The following GRIN2B variants were observed in gnomAD, a reference collection of about 807,000 sequenced individuals.
The protein encoded by GRIN2B is glutamate ionotropic receptor NMDA type subunit 2B.
Under a neutral mutation model 114.5 loss-of-function variants are expected in GRIN2B, and 5 were observed. The observed-to-expected ratio is 0.04, with a 90% CI of 0.02 to 0.09. The LOEUF is 0.09. GRIN2B is among the 10% of genes least tolerant of loss of function. The pLI, the probability that GRIN2B is intolerant of heterozygous loss-of-function variation, is 1.00. For missense variants in GRIN2B, 1,108 were observed against 1,943.5 expected (o/e 0.57, Z 8.08); for synonymous variants, 787 against 745.1 (o/e 1.06, Z -0.92).
chr12:13,791,457 A>AT (rs1276438694), intron 3 of GRIN2B, among the ~76,000 whole-genome samples: 5 of 128,552 alleles, frequency 3.9e-5, no homozygotes, highest in South Asian at 4.9e-4. Context: ...GTCTCAAAAA[A>AT]AAAAATAAAA....
chr12:13,731,137 T>C (rs1373344870), intron 4 of GRIN2B, among the ~76,000 whole-genome samples: 6 of 152,190 alleles, frequency 3.9e-5, no homozygotes, highest in African/African-American at 1.4e-4. Context: ...TTGTATCCAC[T>C]CTATGCTGAT....
In GRIN2B at chr12:13,600,732, T is replaced by C. The variant is rs1949145758; in HGVS notation, c.2010+7871A>G. On this transcript the variant is annotated intron_variant, in intron 10 of 13. Transcript: ENST00000609686. ...GAAAATGATACATCTCACAGAAACA[T>C]GTCCTCAATTCCCTTCGATAAGGAC... 2.0e-5 allele frequency among the ~76,000 whole-genome samples: 3 copies of C among 152,190 alleles called. No individual in the cohort carries two copies. The South Asian group carries it at 6.2e-4, about 32-fold the overall frequency.
chr12:13,615,044 CTCCTTTTT>C lies in GRIN2B; in HGVS notation c.1654+62_1654+69del, dbSNP rs1329860483. 7.3e-7 allele frequency: 1 copy of C among 1,376,352 alleles called. No individual in the cohort carries two copies. The highest frequency in any genetic ancestry group is 1.0e-6 in the Non-Finnish European group (1 of 963,570). 85.3% of individuals were successfully genotyped at this position (1,376,352 alleles called of 1,614,324 possible). On this transcript the variant is annotated intron_variant, in intron 8 of 13. Transcript: ENST00000609686. This position sits in a 1 kb window ranked among gnomAD's most constrained non-coding sequence, Gnocchi z 5.8. ...CTAGCTGGAACAGCCTGGCCATGTG[CTCCTTTTT>C]TCCTTATTTCACTTCCCCATCCATA...
chr12:13,662,173 C>T (rs74067253), intron 5 of GRIN2B, among the ~76,000 whole-genome samples: 2,571 of 152,202 alleles, frequency 0.017, 76 homozygotes, highest in African/African-American at 0.058. Flanking sequence ...TTGTAATGTT[C>T]ATAGCCTGAT....
At chr12:13,937,670 G>C (rs970510327) in intron 2 of GRIN2B, among the ~76,000 whole-genome samples, 3 of 152,100 alleles carry the variant, frequency 2.0e-5, no homozygotes, top group Admixed American at 6.6e-5. Context: ...AAGATGTACT[G>C]AAAATGGAAA....
intron 10 of GRIN2B, among the ~76,000 whole-genome samples, chr12:13,579,407 C>T (rs1427917282): frequency 6.6e-6 from 1 of 152,218 alleles, no homozygotes; most frequent in Non-Finnish European, 1.5e-5. Context: ...TTGATCAACT[C>T]ACTTAACTTA....
intron 2 of GRIN2B, among the ~76,000 whole-genome samples, chr12:13,892,878 GC>G (rs1866286792): frequency 1.3e-5 from 2 of 152,260 alleles, no homozygotes; most frequent in African/African-American, 4.8e-5. Flanking sequence ...ATCCTATAAA[GC>G]TTGTTCTAAA....
chr12:13,622,870 G>A (rs1432394951), intron 5 of GRIN2B, among the ~76,000 whole-genome samples: 1 of 152,144 alleles, frequency 6.6e-6, no homozygotes, highest in Non-Finnish European at 1.5e-5. Context: ...GCCTCTAAAA[G>A]GTCCCACCTC....
rs545013499 is a variant in GRIN2B at position 13,709,704 on chromosome 12, C to A, written c.1011-33845G>T. Among the ~76,000 whole-genome samples the A allele has an allele frequency of 1.6e-4, 24 of 152,116 alleles. No homozygotes were observed. The South Asian group carries it at 5.0e-3, about 32-fold the overall frequency. ...AGCTTCTAAATTCTAATAACCACAA[C>A]CCCAGCTCTAAAACGAAGTCCCGGC... On this transcript the variant is annotated intron_variant, in intron 4 of 13. Transcript: ENST00000609686.
intron 5 of GRIN2B, among the ~76,000 whole-genome samples, chr12:13,628,850 TGTAGTTGAAA>T (rs1949594661): frequency 6.6e-6 from 1 of 152,180 alleles, no homozygotes; most frequent in South Asian, 2.1e-4. Flanking sequence ...AATGAAGCAA[TGTAGTTGAAA>T]GTGTGATCAT....
chr12:13,844,655 C>T (rs1865439400), intron 3 of GRIN2B, among the ~76,000 whole-genome samples: 1 of 152,160 alleles, frequency 6.6e-6, no homozygotes, highest in African/African-American at 2.4e-5. Flanking sequence ...TAGTCCTAGC[C>T]TTGCCACTTA....
chr12:13,876,226 A>G (rs1314426352), intron 2 of GRIN2B, among the ~76,000 whole-genome samples: 1 of 152,218 alleles, frequency 6.6e-6, no homozygotes. Context: ...GGAAGAGAGT[A>G]ACTTAAATTA....
chr12:13,849,857 G>A (rs1003689261), intron 3 of GRIN2B, among the ~76,000 whole-genome samples: 2 of 152,178 alleles, frequency 1.3e-5, no homozygotes, highest in African/African-American at 4.8e-5. Context: ...TCTCTAGAAA[G>A]GGCTTGCACA....
At position 13,793,109 on chromosome 12, in the gene GRIN2B, A is replaced by T. The variant is rs545432359; in HGVS notation, c.412-39194T>A. On this transcript the variant is annotated intron_variant, in intron 3 of 13. Coordinates refer to ENST00000609686, the MANE Select transcript of GRIN2B (RefSeq NM_000834.5). The stretch of plus-strand genomic sequence containing the variant: ...CAAAGCAAGTCTGAATGTGCTGGAT[A>T]AAGTTATTCAACTCAGGGCAGGCAC... 6.6e-5 allele frequency among the ~76,000 whole-genome samples: 10 copies of T among 152,342 alleles called. No homozygotes were observed. The East Asian group carries it at 1.7e-3, about 26-fold the overall frequency.
intron 4 of GRIN2B, among the ~76,000 whole-genome samples, chr12:13,686,491 A>C (rs905063271): frequency 7.9e-5 from 12 of 152,064 alleles, no homozygotes; most frequent in African/African-American, 1.4e-4. Context: ...CTCCCTCTGT[A>C]GGTTGATGTT....
intron 3 of GRIN2B, among the ~76,000 whole-genome samples, chr12:13,803,172 A>G (rs2136676068): frequency 6.6e-6 from 1 of 152,284 alleles, no homozygotes; most frequent in South Asian, 2.1e-4. Context: ...TGTATGCAGC[A>G]TACAAAATAT....
chr12:13,970,666 T>C (rs2136871087), intron 2 of GRIN2B, among the ~76,000 whole-genome samples: 1 of 147,634 alleles, frequency 6.8e-6, no homozygotes, highest in Admixed American at 6.9e-5. Flanking sequence ...AAGTGATTTC[T>C]CTTCTACATG....
chr12:13,806,787 A>C (rs1007281117), intron 3 of GRIN2B, among the ~76,000 whole-genome samples: 12 of 152,012 alleles, frequency 7.9e-5, no homozygotes, highest in Non-Finnish European at 2.9e-5. Flanking sequence ...TTTTTAAAAA[A>C]TCTTTGCCCA....
At chr12:13,879,518 TA>T (rs55823008) in intron 2 of GRIN2B, among the ~76,000 whole-genome samples, 7,122 of 139,390 alleles carry the variant, frequency 0.051, 309 homozygotes, top group African/African-American at 0.13. Flanking sequence ...TTAGAATTAG[TA>T]AAAAAAAAAA....
Sources: gnomAD v4.1 joint callset for allele counts (sites outside exome capture counted in the v4.1 genomes callset) on GRCh38, gnomAD v4.1.1 for gene constraint, Gnocchi (gnomAD v3.1) non-coding constraint, MANE v1.5 for transcripts, NCBI Gene and HGNC (gene_info 2026-07-23, HGNC 2026-07-21) for gene names.